Variants in GALNT17 observed in about 807,000 individuals in gnomAD.
GALNT17 encodes the protein polypeptide N-acetylgalactosaminyltransferase 17, also known as UDP-GalNAc:polypeptide N-acetylgalactosaminyltransferase-like 3.
GALNT17 carries 29 observed loss-of-function variants against 63.7 expected under a neutral mutation model. The observed-to-expected ratio is 0.46, with a 90% CI of 0.34 to 0.62. The LOEUF (loss-of-function observed/expected upper bound fraction) is 0.62, where lower values mean the gene tolerates loss of function less well. GALNT17 is among the 20% of genes least tolerant of loss of function. GALNT17 has a pLI of 0.01. For missense variants in GALNT17, 603 were observed against 799.6 expected (o/e 0.75, Z 2.97); for synonymous variants, 305 against 318.3 (o/e 0.96, Z 0.45).
At chr7:71,187,214 A>G (rs1011494684) in intron 1 of GALNT17, among the ~76,000 whole-genome samples, 3 of 151,608 alleles carry the variant, frequency 2.0e-5, no homozygotes, top group African/African-American at 7.3e-5. Flanking sequence ...CGAACTCCTG[A>G]TCCTTCTGCT....
At chr7:71,166,340 G>A (rs1355379682) in intron 1 of GALNT17, among the ~76,000 whole-genome samples, 2 of 152,148 alleles carry the variant, frequency 1.3e-5, no homozygotes, top group Non-Finnish European at 2.9e-5. Context: ...TTTTAAAAGA[G>A]TTTTATTGAG....
chr7:71,442,488 C>T (rs981122517), intron 5 of GALNT17, among the ~76,000 whole-genome samples: 4 of 152,074 alleles, frequency 2.6e-5, no homozygotes, highest in East Asian at 1.9e-4. Flanking sequence ...CGTGAGCCAC[C>T]GGCCTGCAGA....
At chr7:71,686,338 C>G (rs1373979976) in intron 9 of GALNT17, among the ~76,000 whole-genome samples, 2 of 151,904 alleles carry the variant, frequency 1.3e-5, no homozygotes. Flanking sequence ...AGATACAGAG[C>G]AGTTCAATAT....
At chr7:71,709,819 G>A (rs1424131516) in intron 9 of GALNT17, among the ~76,000 whole-genome samples, 2 of 152,124 alleles carry the variant, frequency 1.3e-5, no homozygotes, top group African/African-American at 2.4e-5. Context: ...GGCTGGTCTC[G>A]AACTCCTGGC....
Position 71,535,383 on chromosome 7 carries a change from T to G in GALNT17, c.963-35902T>G, listed in dbSNP as rs540201650. ...GCCAGCTGCATCTGCCTTCTGGATC[T>G]GGCACATGCAGCCCTTTGTTTGCTG... On this transcript the variant is annotated intron_variant, in intron 5 of 10. Coordinates refer to ENST00000333538, the MANE Select transcript of GALNT17 (RefSeq NM_022479.3). Among the ~76,000 whole-genome samples the G allele has an allele frequency of 3.3e-5, 5 of 152,342 alleles. No individual in the cohort carries two copies. The East Asian group carries it at 7.7e-4, about 24-fold the overall frequency.
chr7:71,341,410 T>C (rs1792002826), intron 2 of GALNT17, among the ~76,000 whole-genome samples: 2 of 152,138 alleles, frequency 1.3e-5, no homozygotes, highest in African/African-American at 4.8e-5. Flanking sequence ...CCAGAATCCG[T>C]AGGATGTGAG....
chr7:71,552,982 A>G (rs1317365720), intron 5 of GALNT17, among the ~76,000 whole-genome samples: 1 of 152,014 alleles, frequency 6.6e-6, no homozygotes, highest in Non-Finnish European at 1.5e-5. Context: ...CCAGAGTTCA[A>G]CCTAATAATT....
chr7:71,268,522 G>T (rs1248726105), intron 1 of GALNT17, among the ~76,000 whole-genome samples: 2 of 151,454 alleles, frequency 1.3e-5, no homozygotes, highest in Non-Finnish European at 2.9e-5. Flanking sequence ...CTGCACTCCA[G>T]CCTGGGCAAC....
chr7:71,521,220 G>A (rs946810346), intron 5 of GALNT17, among the ~76,000 whole-genome samples: 1 of 152,040 alleles, frequency 6.6e-6, no homozygotes, highest in South Asian at 2.1e-4. Flanking sequence ...TGCTCAGATA[G>A]ATCCCAAATC....
intron 1 of GALNT17, among the ~76,000 whole-genome samples, chr7:71,162,144 C>T (rs144091776): frequency 7.2e-4 from 94 of 130,360 alleles, no homozygotes; most frequent in Middle Eastern, 3.8e-3. Flanking sequence ...TTCCTTCCTT[C>T]CTTCCTTCCT....
chr7:71,296,954 TGAA>T (rs1223938186), intron 1 of GALNT17, among the ~76,000 whole-genome samples: 1 of 152,222 alleles, frequency 6.6e-6, no homozygotes, highest in Non-Finnish European at 1.5e-5. Flanking sequence ...CTATAGAAGT[TGAA>T]GGATAGGAAA....
intron 1 of GALNT17, among the ~76,000 whole-genome samples, chr7:71,298,118 T>G (rs1374984441): frequency 1.3e-5 from 2 of 152,200 alleles, no homozygotes; most frequent in Non-Finnish European, 2.9e-5. Context: ...CCTCCCAAGC[T>G]TAAGTGATTC....
intron 5 of GALNT17, among the ~76,000 whole-genome samples, chr7:71,461,700 C>A (rs571142856): frequency 1.3e-5 from 2 of 152,192 alleles, no homozygotes; most frequent in Admixed American, 1.3e-4. Context: ...GGCAGTCCCA[C>A]GTGACTTCTT....
intron 3 of GALNT17, among the ~76,000 whole-genome samples, chr7:71,389,214 A>G (rs2116346085): frequency 6.6e-6 from 1 of 151,954 alleles, no homozygotes; most frequent in South Asian, 2.1e-4. Context: ...GCTCACTGCA[A>G]CCTTCACATC....
In GALNT17 at chr7:71,271,315, G is replaced by T. The variant is rs541303899; in HGVS notation, c.239-64235G>T. ...AAATGATCATGCTTTAGGGTGCACG[G>T]GGCACAGTCTAGCATTTTCCTTGCT... On this transcript the variant is annotated intron_variant, in intron 1 of 10. Transcript: ENST00000333538. 3.3e-5 allele frequency among the ~76,000 whole-genome samples: 5 copies of T among 152,332 alleles called. 1 individual carries two copies. In the South Asian group the frequency reaches 8.3e-4, roughly 25 times the overall value.
At chr7:71,438,689 T>G (rs1438185986) in intron 5 of GALNT17, among the ~76,000 whole-genome samples, 2 of 152,186 alleles carry the variant, frequency 1.3e-5, no homozygotes, top group Non-Finnish European at 2.9e-5. Context: ...AAATAACAGC[T>G]GTTCTTGCTA....
intron 2 of GALNT17, among the ~76,000 whole-genome samples, chr7:71,377,911 T>C (rs1315899094): frequency 1.3e-5 from 2 of 152,174 alleles, no homozygotes; most frequent in Non-Finnish European, 2.9e-5. Context: ...TCCTGAGGCC[T>C]TCCAAGCCAT....
At chr7:71,354,205 C>A (rs181371968) in intron 2 of GALNT17, among the ~76,000 whole-genome samples, 1 of 152,266 alleles carries the variant, frequency 6.6e-6, no homozygotes, top group African/African-American at 2.4e-5. Context: ...CAGACCCGTA[C>A]TATATCAGAT....
At chr7:71,145,012 G>C (rs537476524) in intron 1 of GALNT17, among the ~76,000 whole-genome samples, 21 of 152,292 alleles carry the variant, frequency 1.4e-4, no homozygotes, top group Admixed American at 7.8e-4. Flanking sequence ...ACAGGTGTGA[G>C]CCACTGTGCC....
Sources: allele counts gnomAD v4.1 joint callset (sites outside exome capture counted in the v4.1 genomes callset), GRCh38; gene constraint gnomAD v4.1.1; transcripts MANE v1.5; gene names NCBI Gene and HGNC (gene_info 2026-07-23, HGNC 2026-07-21).